ZNF157: variants seen among roughly 807,000 people sequenced by gnomAD.
ZNF157 encodes the protein zinc finger protein 22.
A neutral mutation model predicts 9.4 loss-of-function variants in ZNF157; 8 were observed. That is an observed-to-expected ratio of 0.85 (90% CI 0.50 to 1.53). The LOEUF (loss-of-function observed/expected upper bound fraction) is 1.53, where lower values mean the gene tolerates loss of function less well. ZNF157 is among the 40% of genes most tolerant of loss of function. The probability of loss-of-function intolerance (pLI) is 0.00; values close to 1 mark genes in which losing one functional copy is unlikely to be tolerated. For missense variants in ZNF157, 316 were observed against 385.2 expected (o/e 0.82, Z 1.50); for synonymous variants, 120 against 130.8 (o/e 0.92, Z 0.56).
intron 1 of ZNF157, among the ~76,000 whole-genome samples, chrX:47,389,166 T>C (rs2055889405): frequency 9.0e-6 from 1 of 111,282 alleles, no homozygotes; most frequent in Non-Finnish European, 1.9e-5. Flanking sequence ...AGGTCTTCTG[T>C]GGCTATTTGT....
chrX:47,380,988 AGAGAAG>A (rs1222499810), intron 1 of ZNF157, among the ~76,000 whole-genome samples: 1 of 51,936 alleles, frequency 1.9e-5, no homozygotes, highest in Non-Finnish European at 3.6e-5. Flanking sequence ...AGGAGGAGAA[AGAGAAG>A]GAGGAGGAGG....
chrX:47,397,951 A>G (rs1055370042), intron 1 of ZNF157, among the ~76,000 whole-genome samples: 1 of 110,387 alleles, frequency 9.1e-6, no homozygotes, highest in African/African-American at 3.3e-5. Flanking sequence ...AAATTTTGCT[A>G]GTAGGTTACT....
rs759920816 is a variant in ZNF157, at chrX:47,400,317, A to C, written c.73-9959A>C. ...TGCCCAGCCTTTCCTGTCTCTCTCT[A>C]TCTCTCTTATTATTATTATTATTTT... On this transcript the variant is annotated intron_variant, in intron 1 of 3. Transcript: ENST00000377073. Among the ~76,000 whole-genome samples, 3 of 110,249 alleles carry C rather than the reference A, an allele frequency of 2.7e-5. No homozygotes were observed. In the East Asian group the frequency reaches 8.6e-4, roughly 31 times the overall value.
chrX:47,406,683 A>T lies in ZNF157; in HGVS notation c.73-3593A>T, dbSNP rs943316953. 4.5e-5 allele frequency among the ~76,000 whole-genome samples: 5 copies of T among 112,289 alleles called. No homozygotes were observed. The Admixed American group carries it at 4.8e-4, about 11-fold the overall frequency. Reference sequence around the variant, plus strand: ...AGCCACTATGCCCGGCCGAAACATGATTGACTTCGATGAGTTGACTTTGTG... The same window carrying T: ...AGCCACTATGCCCGGCCGAAACATGTTTGACTTCGATGAGTTGACTTTGTG... On this transcript the variant is annotated intron_variant, in intron 1 of 3. Coordinates refer to ENST00000377073, the MANE Select transcript of ZNF157 (RefSeq NM_003446.4).
At chrX:47,404,200 C>T (rs2055939776) in intron 1 of ZNF157, among the ~76,000 whole-genome samples, 1 of 109,327 alleles carries the variant, frequency 9.1e-6, no homozygotes, top group Admixed American at 9.8e-5. Flanking sequence ...GAGTCTCACT[C>T]TGTTGCCCAG....
chrX:47,413,707 C>T lies in ZNF157; in HGVS notation c.*113C>T. 1.9e-6 allele frequency: 2 copies of T among 1,061,516 alleles called. No individual in the cohort carries two copies. Among genetic ancestry groups the T allele is most frequent in the Non-Finnish European group, 2.5e-6 (2 of 805,312 alleles). 87.5% of individuals were successfully genotyped at this position (1,061,516 alleles called of 1,213,427 possible). ...TTGTATCAAAGTATGTCCTGATCCC[C>T]TTAGGGGATAGCTCATTGTTTTTAT... is the stretch of plus-strand genomic sequence containing the variant. On this transcript the variant is annotated 3_prime_UTR_variant, in exon 4 of 4. Coordinates refer to ENST00000377073, the MANE Select transcript of ZNF157 (RefSeq NM_003446.4).
chrX:47,399,732 T>A (rs185516644), intron 1 of ZNF157, among the ~76,000 whole-genome samples: 86 of 111,654 alleles, frequency 7.7e-4, no homozygotes, highest in African/African-American at 2.6e-3. Flanking sequence ...CAGGCTGCAG[T>A]GCAGTGGTGT....
At chrX:47,398,367 T>A (rs1055440801) in intron 1 of ZNF157, among the ~76,000 whole-genome samples, 13 of 111,943 alleles carry the variant, frequency 1.2e-4, no homozygotes, top group Middle Eastern at 9.2e-3. Context: ...ATTGCCCCAC[T>A]CCTTTTGCTG....
chrX:47,403,026 C>T (rs1435500710), intron 1 of ZNF157, among the ~76,000 whole-genome samples: 8 of 106,236 alleles, frequency 7.5e-5, no homozygotes, highest in South Asian at 4.4e-4. Context: ...TTTGGGAGGC[C>T]GAGGCAGGTG....
At chrX:47,387,988 T>G (rs2055885227) in intron 1 of ZNF157, among the ~76,000 whole-genome samples, 1 of 110,013 alleles carries the variant, frequency 9.1e-6, no homozygotes. Context: ...TTTTATTACT[T>G]TATTATTATT....
At chrX:47,394,567 A>G (rs1437799826) in intron 1 of ZNF157, among the ~76,000 whole-genome samples, 4 of 112,028 alleles carry the variant, frequency 3.6e-5, no homozygotes, top group Non-Finnish European at 7.5e-5. Flanking sequence ...TTGTGTGGAA[A>G]GTACCTCTGG....
chrX:47,390,341 G>A (rs2055893128), intron 1 of ZNF157: 1 of 112,049 alleles, frequency 8.9e-6, no homozygotes, highest in Non-Finnish European at 1.9e-5. Context: ...AAGCTGATTT[G>A]TGAAGGGAGA....
chrX:47,381,423 CTGATA>C (rs1238801357), intron 1 of ZNF157, among the ~76,000 whole-genome samples: 1 of 111,772 alleles, frequency 8.9e-6, no homozygotes, highest in Non-Finnish European at 1.9e-5. Flanking sequence ...CTTATATATT[CTGATA>C]TATTTCATGT....
intron 1 of ZNF157, among the ~76,000 whole-genome samples, chrX:47,381,322 G>C (rs767078040): frequency 9.0e-6 from 1 of 110,826 alleles, no homozygotes; most frequent in South Asian, 3.8e-4. Flanking sequence ...GTTTGAGGGG[G>C]GGTGCTCTCC....
At chrX:47,411,424 C>T (rs151163350) in intron 3 of ZNF157, among the ~76,000 whole-genome samples, 1,690 of 97,345 alleles carry the variant, frequency 0.017, 30 homozygotes, top group African/African-American at 0.049. Context: ...CATGGCTCAA[C>T]CTCAACTTAA....
chrX:47,407,146 T>C (rs1241233337), intron 1 of ZNF157, among the ~76,000 whole-genome samples: 2 of 112,558 alleles, frequency 1.8e-5, no homozygotes, highest in African/African-American at 3.2e-5. Flanking sequence ...GTGGATTATA[T>C]TGATTGATTT....
chrX:47,379,413 A>AT (rs780089057), intron 1 of ZNF157, among the ~76,000 whole-genome samples: 2,499 of 94,078 alleles, frequency 0.027, 73 homozygotes, highest in African/African-American at 0.082. Flanking sequence ...TTTTGAGTTA[A>AT]TTTTTTTTTT....
At position 47,410,688 on chromosome X, in the gene ZNF157, G is replaced by A. The variant is rs138489626; in HGVS notation, c.208G>A (p.Val70Met). 3.5e-4 allele frequency: 418 copies of A among 1,203,477 alleles called. No homozygotes were observed. Among genetic ancestry groups the A allele is most frequent in the Non-Finnish European group, 4.2e-4 (371 of 892,231 alleles). ...CCATTTCCCATTAACAGGCCTCTGCGTGGCCAAACCAGAGATGATCTTCAA... is the reference window on the plus strand; with the variant it reads ...CCATTTCCCATTAACAGGCCTCTGCATGGCCAAACCAGAGATGATCTTCAA... ...YSNLASVGLC[V>M]AKPEMIFKLE... The change falls in exon 3 of 4, where the codon GTG becomes ATG. Residue 70 changes from valine (V) to methionine (M), a missense_variant. Physicochemically the swap from Val to Met is conservative, Grantham distance 21. Transcript: ENST00000377073.
At chrX:47,385,993 G>A (rs1032773422) in intron 1 of ZNF157, among the ~76,000 whole-genome samples, 4 of 110,573 alleles carry the variant, frequency 3.6e-5, no homozygotes, top group Admixed American at 2.9e-4. Context: ...CCCAGGCAGC[G>A]TGGCTCCCAC....
Sources: gnomAD v4.1 joint callset for allele counts (sites outside exome capture counted in the v4.1 genomes callset) on GRCh38, gnomAD v4.1.1 for gene constraint, MANE v1.5 for transcripts, NCBI Gene and HGNC (gene_info 2026-07-23, HGNC 2026-07-21) for gene names.